CACNA1I: variants seen among roughly 807,000 people sequenced by gnomAD.
The protein encoded by CACNA1I is voltage-dependent T-type calcium channel subunit alpha-1I.
CACNA1I carries 74 observed loss-of-function variants against 201.6 expected under a neutral mutation model. The ratio of observed to expected loss-of-function variants is 0.37; its 90% CI spans 0.30 to 0.45. The LOEUF (loss-of-function observed/expected upper bound fraction) is 0.45, where lower values mean the gene tolerates loss of function less well. Ranked by LOEUF, CACNA1I falls within the 20% of genes least tolerant of loss-of-function variation. CACNA1I has a pLI of 1.00. For missense variants in CACNA1I, 2,346 were observed against 3,138.1 expected (o/e 0.75, Z 6.03); for synonymous variants, 1,431 against 1,345.2 (o/e 1.06, Z -1.40).
rs780593959 is a variant in CACNA1I, at chr22:39,679,350, G to T, written c.5299G>T (p.Gly1767Cys). Reference protein sequence around the residue: ...GLGPGPRLPTGSPGAPGRGPG... With the variant: ...GLGPGPRLPTCSPGAPGRGPG... ...GGGCCCTGGCCCGAGGCTGCCTACCGGCTCCCCGGGCGCCCCTGGCCGAGG... is the reference window on the plus strand; with the variant it reads ...GGGCCCTGGCCCGAGGCTGCCTACCTGCTCCCCGGGCGCCCCTGGCCGAGG... The change falls in exon 32 of 37, where the codon GGC becomes TGC. Residue 1767 changes from glycine (G) to cysteine (C), a missense_variant. Physicochemically the swap from Gly to Cys is radical, Grantham distance 159. Transcript: ENST00000402142. 3.9e-6 allele frequency: 6 copies of T among 1,540,442 alleles called. No individual in the cohort carries two copies. Among genetic ancestry groups the T allele is most frequent in the Middle Eastern group, 1.9e-4 (1 of 5,404 alleles).
chr22:39,590,989 G>A lies in CACNA1I; in HGVS notation c.237-7162G>A, dbSNP rs113424435. Among the ~76,000 whole-genome samples the A allele has an allele frequency of 2.5e-3, 377 of 151,584 alleles. 3 individuals are homozygous for A. The highest frequency in any genetic ancestry group is 8.5e-3 in the African/African-American group (349 of 41,270). On this transcript the variant is annotated intron_variant, in intron 1 of 36. Transcript: ENST00000402142. ...ACCTTCTAAGTAGCAGACTACAGGC[G>A]CGCACCACCACAGCTGGCTAATTAA...
intron 1 of CACNA1I, among the ~76,000 whole-genome samples, chr22:39,579,702 CA>C (rs1932487354): frequency 6.6e-6 from 1 of 151,410 alleles, no homozygotes; most frequent in African/African-American, 2.4e-5. Context: ...GCTGGAGTGC[CA>C]TGGCGCGATC....
At position 39,681,206 on chromosome 22, in the gene CACNA1I, A is replaced by G. The variant is rs1040898856; in HGVS notation, c.5664+154A>G. The stretch of plus-strand genomic sequence containing the variant: ...CTCCTGTTGGACAGATGAGGGCAGT[A>G]GGGCTCAGAGAGGTGGAGTGATTTG... On this transcript the variant is annotated intron_variant, in intron 34 of 36. Coordinates refer to ENST00000402142, the MANE Select transcript of CACNA1I (RefSeq NM_021096.4). 9.2e-5 allele frequency among the ~76,000 whole-genome samples: 14 copies of G among 152,220 alleles called. No individual in the cohort carries two copies. The South Asian group carries it at 2.9e-3, about 32-fold the overall frequency.
At chr22:39,593,618 C>A (rs1408510607) in intron 1 of CACNA1I, among the ~76,000 whole-genome samples, 1 of 152,132 alleles carries the variant, frequency 6.6e-6, no homozygotes, top group Non-Finnish European at 1.5e-5. Context: ...CGAGAGTCTA[C>A]CTTGCGTACC....
Position 39,649,396 on chromosome 22 carries a change from G to A in CACNA1I, c.1568-105G>A, listed in dbSNP as rs1301513768. 1.6e-6 allele frequency: 2 copies of A among 1,236,310 alleles called. No homozygotes were observed. The highest frequency in any genetic ancestry group is 5.6e-5 in the East Asian group (2 of 35,782). The allele number at this position is 1,236,310 out of a possible 1,614,324, so 76.6% of individuals were successfully genotyped here. On this transcript the variant is annotated intron_variant, in intron 9 of 36. Coordinates refer to ENST00000402142, the MANE Select transcript of CACNA1I (RefSeq NM_021096.4). This position sits in a 1 kb window ranked among gnomAD's most constrained non-coding sequence, Gnocchi z 7.3. ...TTCCAGGCTGGGTCGGCTGGTTCCA[G>A]GCAGACCTGTGGGCCTGGGAGCCAA...
chr22:39,601,363 G>T (rs887084906), intron 3 of CACNA1I, among the ~76,000 whole-genome samples: 1 of 152,234 alleles, frequency 6.6e-6, no homozygotes, highest in Non-Finnish European at 1.5e-5. Context: ...TCACACACGG[G>T]GACCAGGGCG....
chr22:39,578,902 T>C (rs890464915), intron 1 of CACNA1I, among the ~76,000 whole-genome samples: 7 of 152,300 alleles, frequency 4.6e-5, no homozygotes, highest in African/African-American at 1.7e-4. Flanking sequence ...TTGCTCCTGC[T>C]GGGCACCACC....
At chr22:39,618,917 T>C (rs762449207) in intron 3 of CACNA1I, among the ~76,000 whole-genome samples, 18 of 152,238 alleles carry the variant, frequency 1.2e-4, no homozygotes, top group Admixed American at 7.2e-4. Flanking sequence ...GGAAGGGATG[T>C]GGGGTGTGGA....
chr22:39,631,698 T>C (rs1934068709), intron 4 of CACNA1I, among the ~76,000 whole-genome samples: 1 of 152,218 alleles, frequency 6.6e-6, no homozygotes, highest in Non-Finnish European at 1.5e-5. Flanking sequence ...TTTCACTTTC[T>C]CCTCTGTCTG....
intron 4 of CACNA1I, among the ~76,000 whole-genome samples, chr22:39,621,147 G>A (rs747276799): frequency 6.6e-6 from 1 of 152,244 alleles, no homozygotes; most frequent in Non-Finnish European, 1.5e-5. Context: ...GCTCAGAGAA[G>A]TTAAGTGACT....
Position 39,665,827 on chromosome 22 carries a change from C to G in CACNA1I, c.3979-54C>G. 1 of 1,611,320 alleles carries G rather than the reference C, an allele frequency of 6.2e-7. No homozygotes were observed. Among genetic ancestry groups the G allele is most frequent in the South Asian group, 1.1e-5 (1 of 91,012 alleles). On this transcript the variant is annotated intron_variant, in intron 22 of 36. Transcript: ENST00000402142. This position sits in a 1 kb window ranked among gnomAD's most constrained non-coding sequence, Gnocchi z 5.5. ...AAACGCGATCGAGAGGCGAGTTCCT[C>G]TCTGACTTGCAACCCTCACCTGTGA...
In CACNA1I at chr22:39,664,813, T is replaced by A; in HGVS notation, c.3741T>A (p.Leu1247=). The A allele has an allele frequency of 6.2e-7, 1 of 1,613,202 alleles. No individual in the cohort carries two copies. Among genetic ancestry groups the A allele is most frequent in the South Asian group, 1.1e-5 (1 of 91,060 alleles). The change falls in exon 21 of 37, where the codon CTT becomes CTA. Residue 1247 remains leucine (L), a synonymous_variant. Coordinates refer to ENST00000402142, the MANE Select transcript of CACNA1I (RefSeq NM_021096.4). ...RSSWNVLDGF[L]VFVSIIDIVV... is the part of the protein sequence containing the mutation. ...GCTGGAACGTGCTGGATGGCTTTCT[T>A]GTCTTCGTGTCCATCATCGACATCG... is the stretch of plus-strand genomic sequence containing the variant.
At chr22:39,572,047 T>A (rs753458698) in intron 1 of CACNA1I, among the ~76,000 whole-genome samples, 4 of 152,016 alleles carry the variant, frequency 2.6e-5, no homozygotes, top group Non-Finnish European at 5.9e-5. Flanking sequence ...GCAGGCAGTG[T>A]TGGAGCCCTG....
intron 2 of CACNA1I, 135 bp from the exon 3 acceptor site, chr22:39,600,385 C>T: frequency 1.5e-6 from 1 of 668,250 alleles, no homozygotes; most frequent in Non-Finnish European, 2.6e-6. Context: ...CTCCTCCTGC[C>T]CAGGAGGAGT....
chr22:39,598,350 G>C, intron 2 of CACNA1I, 88 bp downstream of exon 2: 5 of 519,290 alleles, frequency 9.6e-6, no homozygotes, highest in Non-Finnish European at 1.7e-5. Flanking sequence ...CCCGCCCCAT[G>C]TCCTGGCCTT....
intron 28 of CACNA1I, 49 bp from the exon 29 acceptor site, chr22:39,673,914 G>C (rs8135687): frequency 1.9e-6 from 3 of 1,570,064 alleles, no homozygotes; most frequent in Non-Finnish European, 2.6e-6. Context: ...GCACACACAC[G>C]TCCCCACCGG....
intron 10 of CACNA1I, among the ~76,000 whole-genome samples, chr22:39,652,288 G>A (rs1934675862): frequency 1.3e-5 from 2 of 152,170 alleles, no homozygotes; most frequent in African/African-American, 2.4e-5. Context: ...GAGCCACCGT[G>A]CCCAGCCAGG....
In CACNA1I at chr22:39,677,284, C is replaced by A. The variant is rs900091313; in HGVS notation, c.4855-57C>A. ...TGCCCCAGCCTCCACCCTTCCCAGG[C>A]CTGGTGCGCCCCCACCCGCTCCCCA... On this transcript the variant is annotated intron_variant, in intron 29 of 36. Coordinates refer to ENST00000402142, the MANE Select transcript of CACNA1I (RefSeq NM_021096.4). This position sits in a 1 kb window ranked among gnomAD's most constrained non-coding sequence, Gnocchi z 4.8. 1.6e-6 allele frequency: 2 copies of A among 1,229,322 alleles called. No individual in the cohort carries two copies. The highest frequency in any genetic ancestry group is 1.5e-5 in the African/African-American group (1 of 67,084). The allele number at this position is 1,229,322 out of a possible 1,614,324, so 76.2% of individuals were successfully genotyped here. A position where few individuals can be genotyped will look rare whatever the true frequency, so the allele number is the denominator to read the frequency against.
chr22:39,660,988 C>T, intron 15 of CACNA1I, 120 bp from the exon 16 acceptor site: 1 of 811,670 alleles, frequency 1.2e-6, no homozygotes, highest in Non-Finnish European at 2.0e-6. Context: ...TAGAGGAAGC[C>T]TCCTTAGAAA....
Sources: gnomAD v4.1 joint callset for allele counts (sites outside exome capture counted in the v4.1 genomes callset) on GRCh38, gnomAD v4.1.1 for gene constraint, Gnocchi (gnomAD v3.1) non-coding constraint, MANE v1.5 for transcripts, NCBI Gene and HGNC (gene_info 2026-07-23, HGNC 2026-07-21) for gene names.